The following PTPRR variants were observed in gnomAD, a reference collection of about 807,000 sequenced individuals.
PTPRR encodes receptor-type tyrosine-protein phosphatase R.
In PTPRR, 38 loss-of-function variants were observed where a neutral mutation model predicts 77.2. The ratio of observed to expected loss-of-function variants is 0.49; its 90% CI spans 0.38 to 0.65. PTPRR has a LOEUF of 0.65. PTPRR is among the 30% of genes least tolerant of loss of function. The probability of loss-of-function intolerance (pLI) is 0.00; values close to 1 mark genes in which losing one functional copy is unlikely to be tolerated. For synonymous variants in PTPRR, 299 were observed against 283.1 expected, an observed-to-expected ratio of 1.06 and a Z score of -0.57; for missense variants, 744 against 799.2, an observed-to-expected ratio of 0.93 and a Z score of 0.83.
At chr12:70,834,657 A>C (rs1046084485) in intron 2 of PTPRR, among the ~76,000 whole-genome samples, 1 of 152,188 alleles carries the variant, frequency 6.6e-6, no homozygotes, top group African/African-American at 2.4e-5. Context: ...AATCATGCCT[A>C]GGACACAGCA....
intron 1 of PTPRR, among the ~76,000 whole-genome samples, chr12:70,894,803 A>G (rs1407761237): frequency 1.3e-5 from 2 of 151,796 alleles, no homozygotes; most frequent in Non-Finnish European, 2.9e-5. Context: ...ATGGAGAAAT[A>G]AAATGTACAA....
At chr12:70,783,857 G>A (rs1891256244) in intron 2 of PTPRR, among the ~76,000 whole-genome samples, 2 of 113,494 alleles carry the variant, frequency 1.8e-5, no homozygotes, top group Non-Finnish European at 3.7e-5. Context: ...GGCTGTGTGG[G>A]GGGGACGGGG....
intron 13 of PTPRR, among the ~76,000 whole-genome samples, chr12:70,643,394 T>G (rs755763852): frequency 6.6e-6 from 1 of 152,070 alleles, no homozygotes; most frequent in Non-Finnish European, 1.5e-5. Flanking sequence ...AAGCTGGTCT[T>G]GAACTCCTAG....
At chr12:70,911,275 T>A (rs1050359263) in intron 1 of PTPRR, among the ~76,000 whole-genome samples, 2 of 152,102 alleles carry the variant, frequency 1.3e-5, no homozygotes, top group African/African-American at 4.8e-5. Flanking sequence ...AATAGGATAG[T>A]ATCAGTTGGT....
At position 70,908,811 on chromosome 12, in the gene PTPRR, C is replaced by T. The variant is rs115808515; in HGVS notation, c.58+11522G>A. 6.5e-3 allele frequency among the ~76,000 whole-genome samples: 987 copies of T among 152,240 alleles called. 11 individuals are homozygous for T. The highest frequency in any genetic ancestry group is 0.023 in the African/African-American group (954 of 41,556). On this transcript the variant is annotated intron_variant, in intron 1 of 13. Coordinates refer to ENST00000283228, the MANE Select transcript of PTPRR (RefSeq NM_002849.4). ...ATCTCGTTCTTGCTCTTTCATCCAC[C>T]ATTTGAAATTAATGGCACTGGGCTA...
At chr12:70,793,043 C>T (rs907868851) in intron 2 of PTPRR, among the ~76,000 whole-genome samples, 2 of 152,046 alleles carry the variant, frequency 1.3e-5, no homozygotes, top group African/African-American at 2.4e-5. Flanking sequence ...ATGGATAACT[C>T]GTTTTAAGAA....
intron 2 of PTPRR, among the ~76,000 whole-genome samples, chr12:70,772,294 C>A (rs975322649): frequency 6.6e-6 from 1 of 152,148 alleles, no homozygotes; most frequent in Non-Finnish European, 1.5e-5. Context: ...GTACACACTT[C>A]TCTAATAACG....
intron 10 of PTPRR, among the ~76,000 whole-genome samples, chr12:70,679,733 A>T (rs2175711): frequency 0.77 from 116,428 of 151,998 alleles, 45,595 homozygotes; most frequent in Non-Finnish European, 0.85. Context: ...TCCATTTGCA[A>T]GTGATATCAA....
chr12:70,709,663 T>C (rs1220218492), intron 6 of PTPRR, among the ~76,000 whole-genome samples: 2 of 152,110 alleles, frequency 1.3e-5, no homozygotes, highest in Admixed American at 1.3e-4. Context: ...ATGTGCAATG[T>C]GCAAAAATCA....
rs1332757408 is a variant in PTPRR at position 70,738,994 on chromosome 12, G to GATACTGTTAT, written c.1007+6814_1007+6823dup. ...TTGTTAGACCAGAATTGATTAAATT[G>GATACTGTTAT]ATACTGTTATTTATTAGATAACATT... On this transcript the variant is annotated intron_variant, in intron 6 of 13. Transcript: ENST00000283228. Among the ~76,000 whole-genome samples the GATACTGTTAT allele has an allele frequency of 5.3e-5, 8 of 152,258 alleles. No homozygotes were observed. The East Asian group carries it at 7.7e-4, about 15-fold the overall frequency.
chr12:70,793,887 A>G (rs1460833994), intron 2 of PTPRR, among the ~76,000 whole-genome samples: 3 of 152,232 alleles, frequency 2.0e-5, no homozygotes, highest in Non-Finnish European at 4.4e-5. Context: ...GATGGACTAA[A>G]TGGCTGGTAT....
intron 2 of PTPRR, among the ~76,000 whole-genome samples, chr12:70,783,789 G>A (rs939610047): frequency 6.7e-6 from 1 of 148,164 alleles, no homozygotes; most frequent in Non-Finnish European, 1.5e-5. Context: ...GCACCCAGCT[G>A]CCCTTAGTCC....
chr12:70,917,470 A>T (rs1893792272), intron 1 of PTPRR, among the ~76,000 whole-genome samples: 1 of 152,178 alleles, frequency 6.6e-6, no homozygotes, highest in Non-Finnish European at 1.5e-5. Flanking sequence ...GACAATAACC[A>T]CAACTTCCTT....
chr12:70,680,247 G>T (rs545678464), intron 10 of PTPRR, among the ~76,000 whole-genome samples: 1 of 151,886 alleles, frequency 6.6e-6, no homozygotes, highest in South Asian at 2.1e-4. Flanking sequence ...ATTTCTTTAG[G>T]GGTCAGTTAC....
At chr12:70,761,316 A>G (rs1275018222) in intron 4 of PTPRR, among the ~76,000 whole-genome samples, 155 bp downstream of exon 4, 1 of 152,222 alleles carries the variant, frequency 6.6e-6, no homozygotes, top group Non-Finnish European at 1.5e-5. Context: ...AAACATATAC[A>G]ATGTAAAGAT....
chr12:70,796,712 A>G (rs1204842136), intron 2 of PTPRR, among the ~76,000 whole-genome samples: 1 of 152,190 alleles, frequency 6.6e-6, no homozygotes, highest in African/African-American at 2.4e-5. Context: ...ATATTAAAAA[A>G]AAATCCGGTG....
intron 10 of PTPRR, among the ~76,000 whole-genome samples, chr12:70,681,521 C>A (rs990337126): frequency 6.6e-6 from 1 of 152,166 alleles, no homozygotes; most frequent in African/African-American, 2.4e-5. Flanking sequence ...TGAGCTAATA[C>A]TGGCTGGGGA....
chr12:70,672,689 A>T, intron 10 of PTPRR: 1 of 1,545,980 alleles, frequency 6.5e-7, no homozygotes, highest in Non-Finnish European at 8.8e-7. Flanking sequence ...AAGACAGAGG[A>T]GCGGATAGCG....
intron 10 of PTPRR, among the ~76,000 whole-genome samples, chr12:70,676,512 G>A (rs1887452212): frequency 6.6e-6 from 1 of 151,702 alleles, no homozygotes; most frequent in East Asian, 1.9e-4. Context: ...GTTTTTATTG[G>A]TTGCTTGTAT....
Sources: gnomAD v4.1 joint callset for allele counts (sites outside exome capture counted in the v4.1 genomes callset) on GRCh38, gnomAD v4.1.1 for gene constraint, MANE v1.5 for transcripts, NCBI Gene and HGNC (gene_info 2026-07-23, HGNC 2026-07-21) for gene names.